Variants in PIEZO2 observed in about 807,000 individuals in gnomAD.
PIEZO2 encodes piezo type mechanosensitive ion channel component 2, also known as piezo-type mechanosensitive ion channel component 2.
Under a neutral mutation model 337.3 loss-of-function variants are expected in PIEZO2, and 172 were observed. The ratio of observed to expected loss-of-function variants is 0.51; its 90% CI spans 0.45 to 0.58. PIEZO2 has a LOEUF of 0.58. PIEZO2 is among the 20% of genes least tolerant of loss of function. The probability of loss-of-function intolerance (pLI) is 0.00; values close to 1 mark genes in which losing one functional copy is unlikely to be tolerated. For synonymous variants in PIEZO2, 1,251 were observed against 1,228.5 expected, an observed-to-expected ratio of 1.02 and a Z score of -0.38; for missense variants, 3,028 against 3,391.3, an observed-to-expected ratio of 0.89 and a Z score of 2.66.
At position 10,860,210 on chromosome 18, in the gene PIEZO2, G is replaced by A. The variant is rs184478342; in HGVS notation, c.493-2999C>T. ...TTCGCCAGCATATGATGGTTTAAAC[G>A]TCAGTAGCCTGTTGAGGTTACCTGG... On this transcript the variant is annotated intron_variant, in intron 5 of 55. Transcript: ENST00000674853. 2.4e-3 allele frequency among the ~76,000 whole-genome samples: 363 copies of A among 152,272 alleles called. 2 individuals are homozygous for A. The highest frequency in any genetic ancestry group is 8.2e-3 in the African/African-American group (340 of 41,524).
chr18:10,811,351 G>A (rs546130733), intron 7 of PIEZO2, among the ~76,000 whole-genome samples: 2 of 152,144 alleles, frequency 1.3e-5, no homozygotes, highest in South Asian at 4.2e-4. Flanking sequence ...TTATTCTAAC[G>A]CCTTCCAAAA....
chr18:10,681,577 G>T, intron 51 of PIEZO2, 84 bp downstream of exon 51: 1 of 1,165,884 alleles, frequency 8.6e-7, no homozygotes, highest in Non-Finnish European at 1.3e-6. Context: ...ACCACCTCAG[G>T]CCATGGCAAA....
chr18:10,768,511 C>T (rs1048132926), intron 21 of PIEZO2, among the ~76,000 whole-genome samples: 1 of 152,152 alleles, frequency 6.6e-6, no homozygotes, highest in South Asian at 2.1e-4. Flanking sequence ...ACGCACAACA[C>T]GAGTGGCTGA....
chr18:10,728,969 A>AC (rs1259821673), intron 36 of PIEZO2, among the ~76,000 whole-genome samples: 5 of 148,724 alleles, frequency 3.4e-5, no homozygotes, highest in East Asian at 2.0e-4. Flanking sequence ...AAAAAAAAAA[A>AC]AAAAACAAAA....
rs537234686 is a variant in PIEZO2, at chr18:11,096,392, G to C, written c.65-30170C>G. On this transcript the variant is annotated intron_variant, in intron 1 of 55. Transcript: ENST00000674853. The surrounding 1 kb of genome is among the most constrained non-coding windows in gnomAD (Gnocchi z 4.6). ...CAAAGGCATCAGGCTTACAAAGGTG[G>C]ACATCAGAGCAGAAATCCAGGAGCC... is the stretch of plus-strand genomic sequence containing the variant. 2.6e-5 allele frequency among the ~76,000 whole-genome samples: 4 copies of C among 152,348 alleles called. No homozygotes were observed. In the South Asian group the frequency reaches 8.3e-4, roughly 32 times the overall value.
chr18:11,018,602 T>C (rs1449145282), intron 2 of PIEZO2, among the ~76,000 whole-genome samples: 2 of 152,142 alleles, frequency 1.3e-5, no homozygotes, highest in Non-Finnish European at 2.9e-5. Context: ...GTGACACTAC[T>C]GTGAACACAC....
chr18:11,075,951 G>A (rs556654653), intron 1 of PIEZO2, among the ~76,000 whole-genome samples: 36 of 152,046 alleles, frequency 2.4e-4, no homozygotes, highest in Admixed American at 1.7e-3. Context: ...CACCATGCCC[G>A]GCTAATTTGT....
chr18:10,934,141 T>C (rs1372105922), intron 3 of PIEZO2, among the ~76,000 whole-genome samples: 1 of 152,248 alleles, frequency 6.6e-6, no homozygotes, highest in East Asian at 1.9e-4. Context: ...ATTTCTGACT[T>C]TGTTAGCTTT....
intron 4 of PIEZO2, among the ~76,000 whole-genome samples, chr18:10,906,501 C>G (rs772300832): frequency 6.6e-6 from 1 of 152,002 alleles, no homozygotes; most frequent in Non-Finnish European, 1.5e-5. Context: ...AAAAACGCAG[C>G]CTTAGATAGA....
chr18:11,149,489 G>A lies in PIEZO2; in HGVS notation c.-901C>T, dbSNP rs542781466. The stretch of plus-strand genomic sequence containing the variant: ...CCAGCGCCGTCCCGTCGCCCAGCGC[G>A]ACCACCGCCTGCCGCCTTGCAGCCT... On this transcript the variant is annotated 5_prime_UTR_variant, in exon 1 of 56. Coordinates refer to ENST00000674853, the MANE Select transcript of PIEZO2 (RefSeq NM_001378183.1). The surrounding 1 kb of genome is among the most constrained non-coding windows in gnomAD (Gnocchi z 8.7). Among the ~76,000 whole-genome samples, 22 of 152,050 alleles carry A rather than the reference G, an allele frequency of 1.4e-4. 1 individual carries two copies. In the South Asian group the frequency reaches 3.7e-3, roughly 26 times the overall value.
chr18:10,881,500 T>C (rs560753380), intron 4 of PIEZO2, among the ~76,000 whole-genome samples: 25 of 152,316 alleles, frequency 1.6e-4, no homozygotes, highest in African/African-American at 6.0e-4. Flanking sequence ...CTTACTTGCC[T>C]TTATGCACTC....
At chr18:11,093,123 A>C (rs1353475267) in intron 1 of PIEZO2, among the ~76,000 whole-genome samples, 1 of 152,208 alleles carries the variant, frequency 6.6e-6, no homozygotes. Context: ...AATATGCTGT[A>C]GATTGTTAGG....
chr18:11,063,046 G>T (rs972252083), intron 2 of PIEZO2, among the ~76,000 whole-genome samples: 4 of 152,126 alleles, frequency 2.6e-5, no homozygotes, highest in Admixed American at 6.6e-5. Context: ...TTAAGAAAAT[G>T]TGGCACATAT....
intron 4 of PIEZO2, among the ~76,000 whole-genome samples, chr18:10,892,358 T>C (rs570509207): frequency 9.9e-5 from 15 of 152,134 alleles, no homozygotes; most frequent in Non-Finnish European, 1.6e-4. Context: ...GTTTATTCCA[T>C]GTGAAAAAAG....
intron 4 of PIEZO2, among the ~76,000 whole-genome samples, chr18:10,910,771 A>G (rs2030410951): frequency 6.6e-6 from 1 of 152,104 alleles, no homozygotes; most frequent in Non-Finnish European, 1.5e-5. Context: ...GGCTAATAAG[A>G]TCTAACATTT....
chr18:10,876,364 A>C (rs537475864), intron 4 of PIEZO2, among the ~76,000 whole-genome samples: 7 of 152,220 alleles, frequency 4.6e-5, no homozygotes, highest in African/African-American at 1.7e-4. Flanking sequence ...TTCTAAGACT[A>C]TTACATGTGA....
At chr18:10,733,137 C>T (rs1269674030) in intron 35 of PIEZO2, among the ~76,000 whole-genome samples, 1 of 151,952 alleles carries the variant, frequency 6.6e-6, no homozygotes, top group Non-Finnish European at 1.5e-5. Flanking sequence ...GGGTGGGTGC[C>T]ATTAACATTT....
chr18:11,146,766 GA>G lies in PIEZO2; in HGVS notation c.64+1758del, dbSNP rs1227449068. Among the ~76,000 whole-genome samples the G allele has an allele frequency of 6.6e-6, 1 of 152,226 alleles. No homozygotes were observed. Among genetic ancestry groups the G allele is most frequent in the Non-Finnish European group, 1.5e-5 (1 of 68,046 alleles). ...CAGAGTGGACCGAGCTGGCTGCAGG[GA>G]ACCACATGCCTAACTCTTCCAACAG... is the stretch of plus-strand genomic sequence containing the variant. On this transcript the variant is annotated intron_variant, in intron 1 of 55. Transcript: ENST00000674853. The surrounding 1 kb of genome is among the most constrained non-coding windows in gnomAD (Gnocchi z 6.1).
chr18:10,910,984 T>TAC (rs1436546012), intron 4 of PIEZO2, among the ~76,000 whole-genome samples: 1 of 151,156 alleles, frequency 6.6e-6, no homozygotes. Context: ...TTATTTCCAC[T>TAC]CTGTGTGCAG....
Sources: allele counts gnomAD v4.1 joint callset (sites outside exome capture counted in the v4.1 genomes callset), GRCh38; gene constraint gnomAD v4.1.1; non-coding constraint Gnocchi (gnomAD v3.1); transcripts MANE v1.5; gene names NCBI Gene and HGNC (gene_info 2026-07-23, HGNC 2026-07-21).